CHD4: variants seen among roughly 807,000 people sequenced by gnomAD.
CHD4 encodes chromodomain helicase DNA binding protein 4, also known as ATP-dependent chromatin remodeler CHD4.
A neutral mutation model predicts 235.5 loss-of-function variants in CHD4; 35 were observed. That is an observed-to-expected ratio of 0.15 (90% CI 0.11 to 0.20). CHD4 has a LOEUF of 0.20. Among genes scored for constraint, CHD4 ranks in the 10% least tolerant of loss-of-function variants. The pLI, the probability that CHD4 is intolerant of heterozygous loss-of-function variation, is 1.00. For synonymous variants in CHD4, 900 were observed against 850.2 expected, an observed-to-expected ratio of 1.06 and a Z score of -1.02; for missense variants, 1,329 against 2,432.3, an observed-to-expected ratio of 0.55 and a Z score of 9.54.
chr12:6,592,888 A>G, intron 17 of CHD4, 71 bp from the exon 18 acceptor site: 1 of 1,564,314 alleles, frequency 6.4e-7, no homozygotes, highest in Admixed American at 1.9e-5. Context: ...CAAAATTTCA[A>G]GTTTTTCACT....
chr12:6,602,529 G>A, intron 2 of CHD4, 32 bp from the exon 3 acceptor site: 1 of 1,606,388 alleles, frequency 6.2e-7, no homozygotes, highest in Non-Finnish European at 8.5e-7. Flanking sequence ...TGGTAGGCAG[G>A]GAAAAGATCA....
At chr12:6,584,372 G>A (rs1467747099) in intron 25 of CHD4, 2 of 152,152 alleles carry the variant, frequency 1.3e-5, no homozygotes, top group African/African-American at 4.8e-5. Flanking sequence ...GGACAGGAGA[G>A]AAAAGAGATA....
chr12:6,580,331 T>A (rs1340917503), intron 33 of CHD4: 1 of 152,164 alleles, frequency 6.6e-6, no homozygotes, highest in East Asian at 1.9e-4. Context: ...GATTCTTCAG[T>A]GTGTCGCTTC....
At chr12:6,594,172 C>T (rs1274074121) in intron 15 of CHD4, among the ~76,000 whole-genome samples, 1 of 152,132 alleles carries the variant, frequency 6.6e-6, no homozygotes, top group East Asian at 1.9e-4. Flanking sequence ...AATTCTACTT[C>T]CCTCAACACA....
chr12:6,596,182 C>G lies in CHD4; in HGVS notation c.1893-45G>C, dbSNP rs368241764. 5.0e-6 allele frequency: 8 copies of G among 1,606,422 alleles called. No individual in the cohort carries two copies. In the African/African-American group the frequency reaches 1.1e-4, roughly 22 times the overall value. ...AACCCTCAGAGCCAGAAAAGGCAAC[C>G]CTCCTCACTTCCTCTCAAAAACTGG... On this transcript the variant is annotated intron_variant, in intron 12 of 39. Transcript: ENST00000544040.
intron 23 of CHD4, 91 bp downstream of exon 23, chr12:6,588,207 C>A: frequency 6.7e-7 from 1 of 1,490,394 alleles, no homozygotes; most frequent in Non-Finnish European, 9.1e-7. Flanking sequence ...ACTTAAAAAC[C>A]TAATTCCAGA....
chr12:6,600,862 T>C (rs966015280), intron 7 of CHD4, 64 bp downstream of exon 7: 20 of 1,528,052 alleles, frequency 1.3e-5, no homozygotes, highest in East Asian at 6.8e-5. Context: ...CAGGTTCTGA[T>C]AGAAGGTCAC....
At chr12:6,605,920 GC>G (rs1948687117) in intron 2 of CHD4, among the ~76,000 whole-genome samples, 1 of 151,788 alleles carries the variant, frequency 6.6e-6, no homozygotes, top group Non-Finnish European at 1.5e-5. Flanking sequence ...AATCCTCAAC[GC>G]CCCCCTCCAC....
chr12:6,606,386 C>A lies in CHD4; in HGVS notation c.-13G>T. 1.9e-6 allele frequency: 3 copies of A among 1,562,978 alleles called. No homozygotes were observed. Among genetic ancestry groups the A allele is most frequent in the Admixed American group, 1.9e-5 (1 of 51,452 alleles). On this transcript the variant is annotated 5_prime_UTR_variant, in exon 2 of 40. Coordinates refer to ENST00000544040, the MANE Select transcript of CHD4 (RefSeq NM_001273.5). ...GGCCCGACGCCATCCCCTTCCGCTC[C>A]CGGCCAGGGAATTGGCCCAGCTGCT...
chr12:6,595,580 G>A, intron 13 of CHD4, 150 bp from the exon 14 acceptor site: 1 of 613,876 alleles, frequency 1.6e-6, no homozygotes, highest in South Asian at 1.9e-5. Flanking sequence ...CTGAGGTCAG[G>A]AGATCGAGAC....
At position 6,601,316 on chromosome 12, in the gene CHD4, G is replaced by C. The variant is rs1254024057; in HGVS notation, c.772C>G (p.Arg258Gly). ...TTGCCCTCCTTGGTCTTGGCCTTGC[G>C]GATAGGCACCTCCACAGGGGGAGGT... ...PPPPPVEVPIRKAKTKEGKGP... is the reference protein window; with the variant it reads ...PPPPPVEVPIGKAKTKEGKGP... The change falls in exon 6 of 40, where the codon CGC (arginine) becomes GGC (glycine). Residue 258 changes from arginine (R) to glycine (G), a missense_variant. Around this residue, in one of 26 missense-constraint regions of CHD4, gnomAD observed 160 missense variants for 196.6 expected, o/e 0.81. Transcript: ENST00000544040. The C allele has an allele frequency of 1.2e-6, 2 of 1,613,994 alleles. No homozygotes were observed. Among genetic ancestry groups the C allele is most frequent in the East Asian group, 4.5e-5 (2 of 44,878 alleles).
At chr12:6,587,621 A>G in intron 24 of CHD4, 62 bp from the exon 25 acceptor site, 1 of 1,607,782 alleles carries the variant, frequency 6.2e-7, no homozygotes, top group Non-Finnish European at 8.5e-7. Flanking sequence ...TGGAAAAAGC[A>G]AGTCCCACAA....
intron 12 of CHD4, among the ~76,000 whole-genome samples, chr12:6,596,382 G>A (rs905004632): frequency 2.0e-5 from 3 of 152,126 alleles, no homozygotes; most frequent in Non-Finnish European, 4.4e-5. Context: ...GGGTGCAGTG[G>A]CTCACGCCTG....
In CHD4 at chr12:6,591,236, G is replaced by A. The variant is rs1453306368; in HGVS notation, c.3340+230C>T. ...AAGTCCTGACCCTTTGCTTGCCCTC[G>A]AGATACAATGCTTTCTTCTTTCTAG... On this transcript the variant is annotated intron_variant, in intron 22 of 39. Coordinates refer to ENST00000544040, the MANE Select transcript of CHD4 (RefSeq NM_001273.5). 20 of 411,106 alleles carry A rather than the reference G, an allele frequency of 4.9e-5. No homozygotes were observed. The South Asian group carries it at 7.2e-4, about 15-fold the overall frequency. The allele number at this position is 411,106 out of a possible 1,614,324, so 25.5% of individuals were successfully genotyped here.
intron 1 of CHD4, chr12:6,606,667 G>T (rs888749080): frequency 9.6e-6 from 3 of 313,618 alleles, no homozygotes; most frequent in African/African-American, 2.2e-5. Context: ...GCCTCCGAGG[G>T]CAGGCTGGTG....
intron 31 of CHD4, 55 bp from the exon 32 acceptor site, chr12:6,581,443 G>C: frequency 1.3e-6 from 2 of 1,572,440 alleles, no homozygotes; most frequent in Non-Finnish European, 1.8e-6. Flanking sequence ...TCAGAGAGAA[G>C]GTCATTTCTT....
At chr12:6,602,340 CCT>C in intron 3 of CHD4, 34 bp downstream of exon 3, 1 of 1,610,950 alleles carries the variant, frequency 6.2e-7, no homozygotes, top group South Asian at 1.1e-5. Context: ...CTCCCTTCTT[CCT>C]CTGATTCCCC....
chr12:6,579,042 T>C lies in CHD4; in HGVS notation c.4910-125A>G, dbSNP rs111755606. 5.9e-6 allele frequency: 5 copies of C among 846,280 alleles called. No homozygotes were observed. The Admixed American group carries it at 8.3e-5, about 14-fold the overall frequency. The allele number at this position is 846,280 out of a possible 1,614,324, so 52.4% of individuals were successfully genotyped here. ...CAATTACAGTAATGTCAGCTGGGCA[T>C]GGTGGCTCATGCCTGTAATCCCAGC... On this transcript the variant is annotated intron_variant, in intron 33 of 39. Coordinates refer to ENST00000544040, the MANE Select transcript of CHD4 (RefSeq NM_001273.5).
At position 6,594,572 on chromosome 12, in the gene CHD4, G is replaced by A; in HGVS notation, c.2200C>T (p.Leu734=). 4 of 1,614,136 alleles carry A rather than the reference G, an allele frequency of 2.5e-6. No individual in the cohort carries two copies. Among genetic ancestry groups the A allele is most frequent in the Non-Finnish European group, 3.4e-6 (4 of 1,180,014 alleles). The change falls in exon 15 of 40, where the codon CTG becomes TTG. Residue 734 remains leucine (L), a synonymous_variant. Coordinates refer to ENST00000544040, the MANE Select transcript of CHD4 (RefSeq NM_001273.5). ...GCCCAGGAGAAGCGCAACCAATTCA[G>A]GCCCTCCATTTGATAGGGGTGCAGG... The part of the protein sequence containing the change: ...GTLHPYQMEG[L]NWLRFSWAQG...
Sources: allele counts gnomAD v4.1 joint callset (sites outside exome capture counted in the v4.1 genomes callset), GRCh38; gene constraint gnomAD v4.1.1; regional missense constraint gnomAD v4.1.1; transcripts MANE v1.5; gene names NCBI Gene and HGNC (gene_info 2026-07-23, HGNC 2026-07-21).